MRAP2: variants seen among roughly 807,000 people sequenced by gnomAD.
MRAP2 encodes melanocortin-2 receptor accessory protein 2.
MRAP2 carries 20 observed loss-of-function variants against 17.4 expected under a neutral mutation model. That is an observed-to-expected ratio of 1.15 (90% confidence interval 0.81 to 1.67). The LOEUF (loss-of-function observed/expected upper bound fraction) is 1.67. MRAP2 is among the 40% of genes most tolerant of loss of function. The pLI, the probability that MRAP2 is intolerant of heterozygous loss-of-function variation, is 0.00. For missense variants in MRAP2, 238 were observed against 240.0 expected, an observed-to-expected ratio of 0.99 and a Z score of 0.05; for synonymous variants, 96 against 88.4, an observed-to-expected ratio of 1.09 and a Z score of -0.48.
chr6:84,037,506 G>A (rs1420270039), intron 1 of MRAP2, among the ~76,000 whole-genome samples: 1 of 152,210 alleles, frequency 6.6e-6, no homozygotes, highest in Non-Finnish European at 1.5e-5. Flanking sequence ...CGGTTGATGG[G>A]ACCAGGCGCC....
chr6:84,113,687 C>T, the MRAP2 span, among the ~76,000 whole-genome samples: 16 of 152,322 alleles, frequency 1.1e-4, 1 homozygote, highest in South Asian at 3.1e-3. Flanking sequence ...TGTCAATGGT[C>T]TTTACAATTT....
chr6:84,099,862 CTTT>C, the MRAP2 span, among the ~76,000 whole-genome samples: 1 of 145,460 alleles, frequency 6.9e-6, no homozygotes, highest in Non-Finnish European at 1.5e-5. Context: ...TTCTCTCTCT[CTTT>C]TTTTTTTTTT....
the MRAP2 span, among the ~76,000 whole-genome samples, chr6:84,108,382 G>A: frequency 1.3e-5 from 2 of 151,798 alleles, no homozygotes; most frequent in Non-Finnish European, 2.9e-5. Flanking sequence ...TAACTGGTGT[G>A]AGATGGTATC....
At chr6:84,117,742 G>C in the MRAP2 span, among the ~76,000 whole-genome samples, 1 of 151,866 alleles carries the variant, frequency 6.6e-6, no homozygotes, top group African/African-American at 2.4e-5. Flanking sequence ...GGCTGCTGCA[G>C]TTTGCTGGGG....
rs78365139 is a variant in MRAP2, at chr6:84,053,478, G to A, written c.-7-1834G>A. Among the ~76,000 whole-genome samples, 844 of 152,156 alleles carry A rather than the reference G, an allele frequency of 5.5e-3. 16 individuals carry two copies. The highest frequency in any genetic ancestry group is 0.022 in the East Asian group (113 of 5,174). ...TTTTTTGTCATAGTTTTATTTATTT[G>A]TCTAGGCACCGTGGCTCACAGTTGT... On this transcript the variant is annotated intron_variant, in intron 1 of 3. Coordinates refer to ENST00000257776, the MANE Select transcript of MRAP2 (RefSeq NM_138409.4).
Position 84,089,557 on chromosome 6 carries a change from A to G in MRAP2, c.*76A>G. On this transcript the variant is annotated 3_prime_UTR_variant, in exon 4 of 4. Transcript: ENST00000257776. Reference sequence around the variant, plus strand: ...GTAGCAAGAAATCTACATCCACCAAAATTGTGTGTGTTTGGGGGAGAGAGA... The same window carrying G: ...GTAGCAAGAAATCTACATCCACCAAGATTGTGTGTGTTTGGGGGAGAGAGA... 6.7e-7 allele frequency: 1 copy of G among 1,502,466 alleles called. No individual in the cohort carries two copies. Among genetic ancestry groups the G allele is most frequent in the Non-Finnish European group, 9.0e-7 (1 of 1,110,048 alleles). 93.1% of individuals were successfully genotyped at this position (1,502,466 alleles called of 1,614,324 possible). A position where few individuals can be genotyped will look rare whatever the true frequency, so the allele number is the denominator to read the frequency against.
the MRAP2 span, among the ~76,000 whole-genome samples, chr6:84,139,225 T>C: frequency 6.6e-6 from 1 of 152,226 alleles, no homozygotes; most frequent in Non-Finnish European, 1.5e-5. Flanking sequence ...CAGAGGAATC[T>C]GCAGTACTCC....
At chr6:84,139,668 G>T in the MRAP2 span, among the ~76,000 whole-genome samples, 1 of 152,152 alleles carries the variant, frequency 6.6e-6, no homozygotes, top group African/African-American at 2.4e-5. Context: ...TCTGTCTATA[G>T]CAGTCAGTCA....
intron 3 of MRAP2, among the ~76,000 whole-genome samples, chr6:84,066,635 T>C (rs985055388): frequency 6.6e-6 from 1 of 152,208 alleles, no homozygotes; most frequent in Non-Finnish European, 1.5e-5. Flanking sequence ...AACTAATTAC[T>C]TTATATCTCA....
downstream of MRAP2, among the ~76,000 whole-genome samples, chr6:84,091,860 T>G (rs1562896175): frequency 6.6e-6 from 1 of 152,184 alleles, no homozygotes; most frequent in African/African-American, 2.4e-5. Flanking sequence ...AGGCCACATA[T>G]GCTTCATGCT....
At chr6:84,091,425 TC>T (rs2129177441), downstream of MRAP2, among the ~76,000 whole-genome samples, 1 of 152,094 alleles carries the variant, frequency 6.6e-6, no homozygotes, top group East Asian at 1.9e-4. Context: ...AGACGAGATT[TC>T]ACTATATGTT....
chr6:84,073,228 C>T (rs1350874423), intron 3 of MRAP2, among the ~76,000 whole-genome samples: 1 of 152,202 alleles, frequency 6.6e-6, no homozygotes, highest in Non-Finnish European at 1.5e-5. Context: ...GAATGGCCTG[C>T]TTGTGGACCC....
chr6:84,125,022 T>C, the MRAP2 span: 3 of 1,376,502 alleles, frequency 2.2e-6, no homozygotes, highest in South Asian at 1.2e-5. Context: ...CACAATCCCA[T>C]CCATCTTCAG....
intron 2 of MRAP2, chr6:84,062,197 T>C: frequency 2.6e-6 from 2 of 772,040 alleles, no homozygotes; most frequent in South Asian, 1.2e-4. Flanking sequence ...CCTAGCTTAC[T>C]AGGTAAGCAA....
At chr6:84,075,360 A>G (rs564445767) in intron 3 of MRAP2, among the ~76,000 whole-genome samples, 2 of 152,348 alleles carry the variant, frequency 1.3e-5, no homozygotes, top group East Asian at 1.9e-4. Flanking sequence ...AAAGACTGTT[A>G]TAAAGCTGAC....
the MRAP2 span, among the ~76,000 whole-genome samples, chr6:84,097,295 C>T: frequency 2.6e-5 from 4 of 152,126 alleles, no homozygotes; most frequent in South Asian, 2.1e-4. Context: ...TGAATAGATA[C>T]GAGCCCACTC....
chr6:84,072,698 G>C (rs887838269), intron 3 of MRAP2, among the ~76,000 whole-genome samples: 2 of 152,100 alleles, frequency 1.3e-5, no homozygotes, highest in Non-Finnish European at 2.9e-5. Flanking sequence ...CATCGGGTTG[G>C]GGCAAGGCTA....
intron 1 of MRAP2, among the ~76,000 whole-genome samples, chr6:84,053,045 T>TA (rs962316733): frequency 1.1e-4 from 16 of 152,160 alleles, no homozygotes; most frequent in Admixed American, 1.3e-4. Context: ...AGGGTGGTGT[T>TA]ACTGCTGCTT....
chr6:84,131,585 C>G, the MRAP2 span, among the ~76,000 whole-genome samples: 2 of 152,164 alleles, frequency 1.3e-5, no homozygotes, highest in Non-Finnish European at 2.9e-5. Context: ...GAATTGATCC[C>G]TTTACCATTA....
Sources: gnomAD v4.1 joint callset for allele counts (sites outside exome capture counted in the v4.1 genomes callset) on GRCh38, gnomAD v4.1.1 for gene constraint, MANE v1.5 for transcripts, NCBI Gene and HGNC (gene_info 2026-07-23, HGNC 2026-07-21) for gene names.